SPINT1: variants seen among roughly 807,000 people sequenced by gnomAD.
SPINT1 encodes the protein serine peptidase inhibitor, Kunitz type 1.
SPINT1 carries 38 observed loss-of-function variants against 53.7 expected under a neutral mutation model. That is an observed-to-expected ratio of 0.71 (90% CI 0.55 to 0.93). The LOEUF (loss-of-function observed/expected upper bound fraction) is 0.93. Ranked by LOEUF, SPINT1 falls within the 40% of genes least tolerant of loss-of-function variation. The probability of loss-of-function intolerance (pLI) is 0.00; values close to 1 mark genes in which losing one functional copy is unlikely to be tolerated. For synonymous variants in SPINT1, 283 were observed against 280.6 expected (o/e 1.01, Z -0.08); for missense variants, 645 against 692.9 (o/e 0.93, Z 0.78).
rs941107156 is a variant in SPINT1, at chr15:40,855,717, G to A, written c.1118-175G>A. On this transcript the variant is annotated intron_variant, in intron 8 of 10. Transcript: ENST00000562057. ...TTTGTGCCTACAGTTATTGTCCAGG[G>A]TTTGTCTTCCCTTTTCTGGCACCAC... 21 of 592,664 alleles carry A rather than the reference G, an allele frequency of 3.5e-5. No homozygotes were observed. The African/African-American group carries it at 3.5e-4, about 10-fold the overall frequency. The allele number at this position is 592,664 out of a possible 1,614,324, so 36.7% of individuals were successfully genotyped here.
In SPINT1 at chr15:40,854,655, C is replaced by G. The variant is rs141062061; in HGVS notation, c.1083C>G (p.Asp361Glu). 3.3e-5 allele frequency: 53 copies of G among 1,614,018 alleles called. No homozygotes were observed. Among genetic ancestry groups the G allele is most frequent in the Non-Finnish European group, 4.4e-5 (52 of 1,180,038 alleles). The change falls in exon 8 of 11, where the codon GAC becomes GAG. Residue 361 changes from aspartate (D) to glutamate (E), a missense_variant. Asp to Glu is a conservative substitution (Grantham distance 45, BLOSUM62 2). Coordinates refer to ENST00000562057, the MANE Select transcript of SPINT1 (RefSeq NM_003710.4). ...AACEKYTSGF[D>E]ELQRIHFPSD... is the part of the protein sequence containing the mutation. ...TCTCTGCAGACACGAGTGGCTTTGA[C>G]GAGCTCCAGCGCATCCATTTCCCCA...
rs1323499862 is a variant in SPINT1, at chr15:40,854,381, C to T, written c.941-16C>T. On this transcript the variant is annotated splice_polypyrimidine_tract_variant and intron_variant, in intron 6 of 10. Coordinates refer to ENST00000562057, the MANE Select transcript of SPINT1 (RefSeq NM_003710.4). ...TTGTTCTTTGCTTGAGCCTGACCTCCCTTCCACCCGTCCAGTGTGCTCTGG... is the reference window on the plus strand; with the variant it reads ...TTGTTCTTTGCTTGAGCCTGACCTCTCTTCCACCCGTCCAGTGTGCTCTGG... The T allele has an allele frequency of 1.3e-6, 2 of 1,536,002 alleles. No individual in the cohort carries two copies. Among genetic ancestry groups the T allele is most frequent in the Non-Finnish European group, 8.7e-7 (1 of 1,144,726 alleles).
In SPINT1 at chr15:40,844,895, C is replaced by T. The variant is rs1432098547; in HGVS notation, c.341C>T (p.Ala114Val). Residue 114 changes from alanine (A) to valine (V), a missense_variant, in exon 2 of 11, where the codon GCC becomes GTC. By Grantham distance (64) the Ala-to-Val change is moderately conservative. Coordinates refer to ENST00000562057, the MANE Select transcript of SPINT1 (RefSeq NM_003710.4). This position sits in a 1 kb window ranked among gnomAD's most constrained non-coding sequence, Gnocchi z 5.8. ...CCCGACCGCGGGGAGGACGCCATCG[C>T]CGCCTGCTTCCTCATCAACTGCCTC... ...LQPDRGEDAI[A>V]ACFLINCLYE... The T allele has an allele frequency of 6.2e-7, 1 of 1,613,838 alleles. No individual in the cohort carries two copies. The highest frequency in any genetic ancestry group is 1.3e-5 in the African/African-American group (1 of 74,936).
intron 3 of SPINT1, 102 bp from the exon 4 acceptor site, chr15:40,853,386 TC>T: frequency 6.3e-7 from 1 of 1,599,258 alleles, no homozygotes; most frequent in Non-Finnish European, 8.5e-7. Context: ...TTAATCCAAC[TC>T]CCCCTGGCCT....
intron 2 of SPINT1, among the ~76,000 whole-genome samples, chr15:40,848,981 T>A (rs1431542321): frequency 6.7e-6 from 1 of 150,114 alleles, no homozygotes; most frequent in African/African-American, 2.5e-5. Flanking sequence ...GCGCGGTGGG[T>A]CACGCCTGTA....
intron 2 of SPINT1, among the ~76,000 whole-genome samples, chr15:40,851,174 A>T (rs1286519114): frequency 2.1e-5 from 3 of 146,242 alleles, no homozygotes; most frequent in African/African-American, 7.7e-5. Flanking sequence ...TTTTTTTTTT[A>T]AACGGAGTCT....
At chr15:40,852,995 C>A in intron 2 of SPINT1, 129 bp from the exon 3 acceptor site, 1 of 1,206,510 alleles carries the variant, frequency 8.3e-7, no homozygotes, top group Non-Finnish European at 1.2e-6. Flanking sequence ...CCACCCGCAC[C>A]CCATGCAGGC....
Position 40,856,886 on chromosome 15 carries a change from C to T in SPINT1, c.1453C>T (p.His485Tyr). ...QRKDFHGHHH[H>Y]PPPTPASSTV... ...AAAGGACTTCCACGGACACCACCAC[C>T]ACCCACCACCCACCCCTGCCAGCTC... Residue 485 changes from histidine (H) to tyrosine (Y), a missense_variant, in exon 11 of 11, where the codon CAC becomes TAC. By Grantham distance (83) the His-to-Tyr change is moderately conservative (BLOSUM62 2). Coordinates refer to ENST00000562057, the MANE Select transcript of SPINT1 (RefSeq NM_003710.4). 6.2e-7 allele frequency: 1 copy of T among 1,614,180 alleles called. No homozygotes were observed. The highest frequency in any genetic ancestry group is 1.3e-5 in the African/African-American group (1 of 75,042).
At chr15:40,849,913 C>T in intron 2 of SPINT1, among the ~76,000 whole-genome samples, 1 of 152,174 alleles carries the variant, frequency 6.6e-6, no homozygotes, top group East Asian at 1.9e-4. Flanking sequence ...CATAGGGTCC[C>T]ACTTGCGACT....
chr15:40,854,664 G>T lies in SPINT1; in HGVS notation c.1092G>T (p.Gln364His), dbSNP rs1394041787. Residue 364 changes from glutamine (Q) to histidine (H), a missense_variant, in exon 8 of 11, where the codon CAG becomes CAT. Gln to His is a conservative substitution (Grantham distance 24, BLOSUM62 0). Coordinates refer to ENST00000562057, the MANE Select transcript of SPINT1 (RefSeq NM_003710.4). ...ACACGAGTGGCTTTGACGAGCTCCA[G>T]CGCATCCATTTCCCCAGTGACAAAG... ...EKYTSGFDELQRIHFPSDKGH... is the reference protein window; with the variant it reads ...EKYTSGFDELHRIHFPSDKGH... The T allele has an allele frequency of 2.5e-6, 4 of 1,614,182 alleles. No individual in the cohort carries two copies. Among genetic ancestry groups the T allele is most frequent in the Non-Finnish European group, 3.4e-6 (4 of 1,180,036 alleles).
intron 2 of SPINT1, among the ~76,000 whole-genome samples, chr15:40,847,559 C>G (rs1226159276): frequency 1.3e-5 from 2 of 152,192 alleles, no homozygotes; most frequent in African/African-American, 4.8e-5. Flanking sequence ...CTCCTCCTCC[C>G]CAGTCCTATG....
Position 40,854,378 on chromosome 15 carries a change from C to T in SPINT1, c.941-19C>T, listed in dbSNP as rs780131293. The T allele has an allele frequency of 7.8e-6, 12 of 1,530,016 alleles. No individual in the cohort carries two copies. The highest frequency in any genetic ancestry group is 2.6e-5 in the South Asian group (2 of 77,022). 94.8% of individuals were successfully genotyped at this position (1,530,016 alleles called of 1,614,324 possible). A position where few individuals can be genotyped will look rare whatever the true frequency, so the allele number is the denominator to read the frequency against. Reference sequence around the variant, plus strand: ...CACTTGTTCTTTGCTTGAGCCTGACCTCCCTTCCACCCGTCCAGTGTGCTC... The same window carrying T: ...CACTTGTTCTTTGCTTGAGCCTGACTTCCCTTCCACCCGTCCAGTGTGCTC... On this transcript the variant is annotated intron_variant, in intron 6 of 10. Coordinates refer to ENST00000562057, the MANE Select transcript of SPINT1 (RefSeq NM_003710.4).
In SPINT1 at chr15:40,856,820, G is replaced by A. The variant is rs150664806; in HGVS notation, c.1387G>A (p.Val463Met). 5.7e-5 allele frequency: 92 copies of A among 1,614,038 alleles called. No homozygotes were observed. The highest frequency in any genetic ancestry group is 7.7e-5 in the Non-Finnish European group (91 of 1,180,024). Residue 463 changes from valine (V) to methionine (M), a missense_variant, in exon 11 of 11, where the codon GTG becomes ATG. Physicochemically the swap from Val to Met is conservative, Grantham distance 21. Coordinates refer to ENST00000562057, the MANE Select transcript of SPINT1 (RefSeq NM_003710.4). ...GTTCCTGGTCATCTGCATTGTGGTG[G>A]TGGTAGCCATCTTGGGTTACTGCTT... Reference protein sequence around the residue: ...AVFLVICIVVVVAILGYCFFK... With the variant: ...AVFLVICIVVMVAILGYCFFK...
At chr15:40,849,735 G>T (rs1308009232) in intron 2 of SPINT1, among the ~76,000 whole-genome samples, 1 of 152,218 alleles carries the variant, frequency 6.6e-6, no homozygotes, top group Non-Finnish European at 1.5e-5. Flanking sequence ...TTTAGAAACT[G>T]AATGACTCTG....
intron 2 of SPINT1, among the ~76,000 whole-genome samples, chr15:40,848,187 C>G (rs1166080859): frequency 1.3e-5 from 2 of 152,208 alleles, no homozygotes; most frequent in East Asian, 3.8e-4. Context: ...CCCAGAACCA[C>G]CTTCTGTGAG....
At chr15:40,855,158 AT>A (rs1052017651) in intron 8 of SPINT1, among the ~76,000 whole-genome samples, 1 of 152,030 alleles carries the variant, frequency 6.6e-6, no homozygotes, top group African/African-American at 2.4e-5. Context: ...AGGCTGGCAG[AT>A]TGCTTGAGCT....
rs1172386750 is a variant in SPINT1, at chr15:40,857,365, C to T, written c.*390C>T. 3 of 224,646 alleles carry T rather than the reference C, an allele frequency of 1.3e-5. No homozygotes were observed. The allele number at this position is 224,646 out of a possible 1,614,324, so 13.9% of individuals were successfully genotyped here. ...CGAGCTCCTCTTCCATGCTGTGCGC[C>T]CAGGGCTGGGAGGAAGGACTTCCCT... On this transcript the variant is annotated 3_prime_UTR_variant, in exon 11 of 11. Transcript: ENST00000562057.
rs1891215696 is a variant in SPINT1, at chr15:40,844,581, C to T, written c.27C>T (p.Arg9=). ...TGGCCCCTGCGAGGACGATGGCCCG[C>T]GCCCGCCTCGCCCCGGCCGGCATCC... MAPARTMA[R]ARLAPAGIPA... The change falls in exon 2 of 11, where the codon CGC becomes CGT. Residue 9 remains arginine (R), a synonymous_variant. Transcript: ENST00000562057. This position sits in a 1 kb window ranked among gnomAD's most constrained non-coding sequence, Gnocchi z 5.8. 6.2e-7 allele frequency: 1 copy of T among 1,609,244 alleles called. No individual in the cohort carries two copies.
At chr15:40,848,407 A>G (rs898074258) in intron 2 of SPINT1, among the ~76,000 whole-genome samples, 1 of 152,258 alleles carries the variant, frequency 6.6e-6, no homozygotes, top group Non-Finnish European at 1.5e-5. Flanking sequence ...TTCCACTTGT[A>G]GGAATTCATC....
Sources: gnomAD v4.1 joint callset for allele counts (sites outside exome capture counted in the v4.1 genomes callset) on GRCh38, gnomAD v4.1.1 for gene constraint, Gnocchi (gnomAD v3.1) non-coding constraint, MANE v1.5 for transcripts, NCBI Gene and HGNC (gene_info 2026-07-23, HGNC 2026-07-21) for gene names.